The following ERBB4 variants were observed in gnomAD, a reference collection of about 807,000 sequenced individuals.
ERBB4 encodes erb-b2 receptor tyrosine kinase 4, also known as receptor tyrosine-protein kinase erbB-4.
ERBB4 carries 42 observed loss-of-function variants against 158.0 expected under a neutral mutation model. The observed-to-expected ratio is 0.27, with a 90% CI of 0.21 to 0.34. The LOEUF (loss-of-function observed/expected upper bound fraction) is 0.34, where lower values mean the gene tolerates loss of function less well. ERBB4 is among the 10% of genes least tolerant of loss of function. The pLI is 1.00. For synonymous variants in ERBB4, 583 were observed against 558.7 expected (o/e 1.04, Z -0.61); for missense variants, 1,333 against 1,624.1 (o/e 0.82, Z 3.08).
rs967372971 is a variant in ERBB4 at position 211,886,323 on chromosome 2, A to C, written c.421+61107T>G. Among the ~76,000 whole-genome samples, 20 of 152,186 alleles carry C rather than the reference A, an allele frequency of 1.3e-4. 1 individual carries two copies. The highest frequency in any genetic ancestry group is 2.5e-4 in the Non-Finnish European group (17 of 68,028). Reference sequence around the variant, plus strand: ...GCTTTTATGCCTATCTTCCCACTAAAGTGTTCCAGAAGAACATAAATTTGG... The same window carrying C: ...GCTTTTATGCCTATCTTCCCACTAACGTGTTCCAGAAGAACATAAATTTGG... On this transcript the variant is annotated intron_variant, in intron 3 of 27. Coordinates refer to ENST00000342788, the MANE Select transcript of ERBB4 (RefSeq NM_005235.3).
intron 20 of ERBB4, among the ~76,000 whole-genome samples, chr2:211,454,751 A>AAG (rs1270797311): frequency 6.6e-6 from 1 of 152,178 alleles, no homozygotes; most frequent in Non-Finnish European, 1.5e-5. Flanking sequence ...AGTGTCTGGA[A>AAG]AGAGAGAACC....
chr2:212,190,938 C>A (rs932668792), intron 1 of ERBB4, among the ~76,000 whole-genome samples: 1 of 152,068 alleles, frequency 6.6e-6, no homozygotes, highest in African/African-American at 2.4e-5. Context: ...TATCCTAATG[C>A]ATCTCAATTA....
intron 2 of ERBB4, among the ~76,000 whole-genome samples, chr2:212,054,571 C>T (rs575999830): frequency 4.6e-5 from 7 of 152,268 alleles, no homozygotes; most frequent in Non-Finnish European, 8.8e-5. Context: ...GTGGTTTCTT[C>T]TAGCAGGTCC....
intron 1 of ERBB4, among the ~76,000 whole-genome samples, chr2:212,126,889 T>A (rs1396442643): frequency 6.6e-6 from 1 of 152,182 alleles, no homozygotes; most frequent in African/African-American, 2.4e-5. Context: ...TGTTTTTGCC[T>A]ATGAACACAT....
intron 1 of ERBB4, among the ~76,000 whole-genome samples, chr2:212,190,720 T>C (rs1416447427): frequency 5.3e-5 from 8 of 152,118 alleles, no homozygotes; most frequent in Non-Finnish European, 1.2e-4. Flanking sequence ...ACCCTGTTAA[T>C]CTATTTCACA....
intron 1 of ERBB4, among the ~76,000 whole-genome samples, chr2:212,358,759 G>T (rs1438659235): frequency 1.3e-5 from 2 of 151,632 alleles, no homozygotes; most frequent in Non-Finnish European, 3.0e-5. Flanking sequence ...GTGAATTAAA[G>T]AAAAGAGGTA....
intron 20 of ERBB4, among the ~76,000 whole-genome samples, chr2:211,500,724 G>GT (rs1435461522): frequency 2.8e-4 from 42 of 151,662 alleles, no homozygotes; most frequent in South Asian, 1.5e-3. Flanking sequence ...TTCCAAACTG[G>GT]TTTTTTTTGT....
rs530717142 is a variant in ERBB4 at position 212,498,526 on chromosome 2, A to G, written c.82+39923T>C. 8.9e-4 allele frequency among the ~76,000 whole-genome samples: 135 copies of G among 152,102 alleles called. 3 individuals carry two copies. The highest frequency in any genetic ancestry group is 1.2e-3 in the Admixed American group (18 of 15,252). ...CAAGTATTTTCAGTTAACTTCTATT[A>G]TTTTCACTTTCTTATATATTCCACC... On this transcript the variant is annotated intron_variant, in intron 1 of 27. Coordinates refer to ENST00000342788, the MANE Select transcript of ERBB4 (RefSeq NM_005235.3).
At chr2:212,012,746 T>G (rs1392996030) in intron 2 of ERBB4, among the ~76,000 whole-genome samples, 1 of 151,998 alleles carries the variant, frequency 6.6e-6, no homozygotes, top group African/African-American at 2.4e-5. Context: ...GTTTTTATTT[T>G]ATTTTATTTC....
At chr2:211,840,402 C>T (rs62184493) in intron 3 of ERBB4, among the ~76,000 whole-genome samples, 21,666 of 152,020 alleles carry the variant, frequency 0.14, 1,884 homozygotes, top group African/African-American at 0.24. Context: ...TTATTAGCAG[C>T]GTGAGAACAG....
At chr2:211,709,254 CAT>C (rs200613120) in intron 9 of ERBB4, among the ~76,000 whole-genome samples, 39,246 of 100,962 alleles carry the variant, frequency 0.39, 6,121 homozygotes, top group East Asian at 0.72. Context: ...TATATATACA[CAT>C]ATATATATAT....
At chr2:211,674,385 T>A (rs760619950) in intron 13 of ERBB4, among the ~76,000 whole-genome samples, 3 of 152,116 alleles carry the variant, frequency 2.0e-5, no homozygotes, top group Non-Finnish European at 4.4e-5. Context: ...ATGAAAGAAG[T>A]ACAATGATGA....
chr2:212,449,242 GT>G (rs2092410202), intron 1 of ERBB4, among the ~76,000 whole-genome samples: 1 of 152,060 alleles, frequency 6.6e-6, no homozygotes, highest in Non-Finnish European at 1.5e-5. Flanking sequence ...TGTATTTCCA[GT>G]TTGTTATAAA....
At chr2:212,485,350 G>A (rs13425049) in intron 1 of ERBB4, among the ~76,000 whole-genome samples, 7 of 152,202 alleles carry the variant, frequency 4.6e-5, no homozygotes, top group Non-Finnish European at 1.0e-4. Context: ...CAAAACTGAA[G>A]TTATTTGTTT....
chr2:211,690,754 T>C (rs548036730), intron 12 of ERBB4, among the ~76,000 whole-genome samples: 22 of 152,284 alleles, frequency 1.4e-4, no homozygotes, highest in Admixed American at 2.6e-4. Flanking sequence ...CCCTCTGACT[T>C]CCTGCAGTGA....
intron 25 of ERBB4, among the ~76,000 whole-genome samples, chr2:211,392,558 C>CCGCA (rs767854845): frequency 0.031 from 4,309 of 140,980 alleles, 86 homozygotes; most frequent in East Asian, 0.065. Context: ...CTCTCTTACT[C>CCGCA]CACACACACA....
chr2:212,033,443 C>T (rs1376698342), intron 2 of ERBB4, among the ~76,000 whole-genome samples: 1 of 151,570 alleles, frequency 6.6e-6, no homozygotes, highest in Admixed American at 6.6e-5. Flanking sequence ...GAACCAAATT[C>T]CTTATATATT....
intron 2 of ERBB4, among the ~76,000 whole-genome samples, chr2:211,956,319 G>A (rs1164004106): frequency 6.6e-6 from 1 of 152,060 alleles, no homozygotes; most frequent in Non-Finnish European, 1.5e-5. Context: ...AGATAGAGCT[G>A]AAGTAAAAAG....
chr2:212,412,181 T>C (rs148558406), intron 1 of ERBB4, among the ~76,000 whole-genome samples: 1 of 152,260 alleles, frequency 6.6e-6, no homozygotes, highest in Admixed American at 6.5e-5. Flanking sequence ...TCATAAATCT[T>C]AAATCTCCCC....
Sources: allele counts gnomAD v4.1 joint callset (sites outside exome capture counted in the v4.1 genomes callset), GRCh38; gene constraint gnomAD v4.1.1; transcripts MANE v1.5; gene names NCBI Gene and HGNC (gene_info 2026-07-23, HGNC 2026-07-21).